The following MAP4K4 variants were observed in gnomAD, a reference collection of about 807,000 sequenced individuals.
MAP4K4 encodes mitogen-activated protein kinase kinase kinase kinase 4.
Under a neutral mutation model 189.6 loss-of-function variants are expected in MAP4K4, and 38 were observed. The ratio of observed to expected loss-of-function variants is 0.20; its 90% CI spans 0.15 to 0.26. The LOEUF (loss-of-function observed/expected upper bound fraction) is 0.26, where lower values mean the gene tolerates loss of function less well. Among genes scored for constraint, MAP4K4 ranks in the 10% least tolerant of loss-of-function variants. The pLI is 1.00. For missense variants in MAP4K4, 1,054 were observed against 1,726.9 expected, an observed-to-expected ratio of 0.61 and a Z score of 6.91; for synonymous variants, 610 against 624.3, an observed-to-expected ratio of 0.98 and a Z score of 0.34.
Position 101,867,431 on chromosome 2 carries a change from T to C in MAP4K4, c.2454+122T>C, listed in dbSNP as rs2097848891. The C allele has an allele frequency of 5.8e-6, 4 of 685,794 alleles. No individual in the cohort carries two copies. The East Asian group carries it at 8.2e-5, about 14-fold the overall frequency. 42.5% of individuals were successfully genotyped at this position (685,794 alleles called of 1,614,324 possible). A position where few individuals can be genotyped will look rare whatever the true frequency, so the allele number is the denominator to read the frequency against. Reference sequence around the variant, plus strand: ...AGGGCCCCTCACAGATTTGAGGAATTATAAGGAATGACCTAAACCCCAGAC... The same window carrying C: ...AGGGCCCCTCACAGATTTGAGGAATCATAAGGAATGACCTAAACCCCAGAC... On this transcript the variant is annotated intron_variant, in intron 20 of 32. Coordinates refer to ENST00000324219, the Ensembl canonical transcript of MAP4K4.
chr2:101,738,994 C>T (rs899469811), intron 2 of MAP4K4, among the ~76,000 whole-genome samples: 1 of 151,988 alleles, frequency 6.6e-6, no homozygotes, highest in African/African-American at 2.4e-5. Context: ...TACTGCTGGC[C>T]GTCATTATTC....
intron 9 of MAP4K4, among the ~76,000 whole-genome samples, chr2:101,839,503 A>G (rs889220778): frequency 2.6e-5 from 4 of 151,740 alleles, no homozygotes; most frequent in Non-Finnish European, 5.9e-5. Flanking sequence ...TGCTGCCACC[A>G]CTCCTGTTAA....
intron 12 of MAP4K4, among the ~76,000 whole-genome samples, chr2:101,844,657 A>G (rs2097033530): frequency 6.6e-6 from 1 of 152,106 alleles, no homozygotes; most frequent in Non-Finnish European, 1.5e-5. Context: ...CTTGCTCAGG[A>G]TTGACCTGAT....
intron 2 of MAP4K4, among the ~76,000 whole-genome samples, chr2:101,772,435 G>T (rs953985605): frequency 3.3e-5 from 5 of 152,220 alleles, no homozygotes; most frequent in African/African-American, 4.8e-5. Flanking sequence ...CCTGCTGATT[G>T]AAAAGAGGCA....
chr2:101,729,101 A>AGAGTGTGTGTGT lies in MAP4K4; in HGVS notation c.123+30564_123+30565insAGTGTGTGTGTG, dbSNP rs149283961. On this transcript the variant is annotated intron_variant, in intron 2 of 32. Transcript: ENST00000324219. Reference sequence around the variant, plus strand: ...AGGAGAGAGAGAGAGAGAGAGAGAGAGTGTGTGTGTGTGTGTGTGTGTGTG... The same window carrying AGAGTGTGTGTGT: ...AGGAGAGAGAGAGAGAGAGAGAGAGAGAGTGTGTGTGTGTGTGTGTGTGTGTGTGTGTGTGTG... 2.5e-3 allele frequency among the ~76,000 whole-genome samples: 324 copies of AGAGTGTGTGTGT among 130,588 alleles called. 1 individual carries two copies. The highest frequency in any genetic ancestry group is 6.5e-3 in the Admixed American group (85 of 12,988). The allele number at this position is 130,588 out of a possible 152,430, so 85.7% of individuals were successfully genotyped here. A position where few individuals can be genotyped will look rare whatever the true frequency, so the allele number is the denominator to read the frequency against.
At chr2:101,771,738 C>CA (rs2081554938) in intron 2 of MAP4K4, among the ~76,000 whole-genome samples, 1 of 152,212 alleles carries the variant, frequency 6.6e-6, no homozygotes, top group Non-Finnish European at 1.5e-5. Flanking sequence ...GCTGTTCCCT[C>CA]ATTTACATGA....
chr2:101,735,899 A>C (rs62155725), intron 2 of MAP4K4, among the ~76,000 whole-genome samples: 16,965 of 152,208 alleles, frequency 0.11, 1,228 homozygotes, highest in South Asian at 0.19. Flanking sequence ...GGTTGCTGAC[A>C]GATACTCTCA....
At chr2:101,871,575 C>G (rs1375203363) in exon 24 of MAP4K4, 1 of 1,536,274 alleles carries the variant, frequency 6.5e-7, no homozygotes, top group Non-Finnish European at 8.7e-7. Flanking sequence ...AGATCTCTTA[C>G]AGCAAAGCCA....
At position 101,873,330 on chromosome 2, in the gene MAP4K4, A is replaced by T. The variant is rs1047511250; in HGVS notation, c.2953-317A>T. 5.4e-4 allele frequency among the ~76,000 whole-genome samples: 83 copies of T among 152,294 alleles called. 1 individual carries two copies. The highest frequency in any genetic ancestry group is 2.0e-3 in the African/African-American group (82 of 41,528). On this transcript the variant is annotated intron_variant, in intron 24 of 32. Transcript: ENST00000324219. ...TCAGACCTCCTTTAGGAGTTTCATT[A>T]TAAGTATTTACTTAATTTTTTTTTA...
chr2:101,755,885 T>C lies in MAP4K4; in HGVS notation c.124-34835T>C, dbSNP rs140639732. 4.6e-5 allele frequency among the ~76,000 whole-genome samples: 7 copies of C among 151,980 alleles called. No homozygotes were observed. The East Asian group carries it at 1.3e-3, about 29-fold the overall frequency. On this transcript the variant is annotated intron_variant, in intron 2 of 32. Coordinates refer to ENST00000324219, the Ensembl canonical transcript of MAP4K4. ...TGTCTATAGTAGCTGTTACTGTGTT[T>C]TGATGCATGCGGGGAAACTTTATTT...
intron 2 of MAP4K4, among the ~76,000 whole-genome samples, chr2:101,711,102 A>G (rs1384551424): frequency 6.6e-6 from 1 of 152,208 alleles, no homozygotes; most frequent in Admixed American, 6.5e-5. Context: ...TTTGGTAAAC[A>G]GCTGGCCTGA....
chr2:101,706,625 T>C (rs1413255212), intron 2 of MAP4K4, among the ~76,000 whole-genome samples: 1 of 152,236 alleles, frequency 6.6e-6, no homozygotes, highest in African/African-American at 2.4e-5. Flanking sequence ...AGATAATTTA[T>C]TGTTGCAAGA....
chr2:101,863,378 C>A (rs561482619), intron 16 of MAP4K4, among the ~76,000 whole-genome samples: 29 of 152,272 alleles, frequency 1.9e-4, no homozygotes, highest in African/African-American at 6.7e-4. Context: ...TGTGACACTG[C>A]AGGTAATGTG....
At chr2:101,702,529 A>G (rs1234409178) in intron 2 of MAP4K4, among the ~76,000 whole-genome samples, 3 of 152,172 alleles carry the variant, frequency 2.0e-5, no homozygotes, top group Non-Finnish European at 4.4e-5. Context: ...AGATTGTGCC[A>G]TTGCACTCCA....
At chr2:101,886,928 G>A (rs1453169259) in intron 29 of MAP4K4, among the ~76,000 whole-genome samples, 160 bp from the exon 30 acceptor site, 1 of 151,934 alleles carries the variant, frequency 6.6e-6, no homozygotes, top group Non-Finnish European at 1.5e-5. Context: ...GGGAGGCTGA[G>A]GCAGGAGAAT....
At chr2:101,888,674 A>G in intron 31 of MAP4K4, 122 bp from the exon 32 acceptor site, 1 of 698,482 alleles carries the variant, frequency 1.4e-6, no homozygotes, top group Non-Finnish European at 2.1e-6. Flanking sequence ...AATGCTAGGC[A>G]TTTAAATTTT....
At chr2:101,807,554 T>C (rs985119063) in intron 3 of MAP4K4, among the ~76,000 whole-genome samples, 1 of 152,234 alleles carries the variant, frequency 6.6e-6, no homozygotes, top group Admixed American at 6.5e-5. Flanking sequence ...AAGATGCTTT[T>C]CTGTATTAGT....
intron 3 of MAP4K4, among the ~76,000 whole-genome samples, chr2:101,803,688 C>G (rs1337056432): frequency 6.6e-6 from 1 of 152,136 alleles, no homozygotes; most frequent in Non-Finnish European, 1.5e-5. Flanking sequence ...CTGTCAACGT[C>G]TTGTGAAAAT....
At position 101,882,700 on chromosome 2, in the gene MAP4K4, C is replaced by T. The variant is rs184000234; in HGVS notation, c.3520+15C>T. ...TTATAAAGTTGGTAAGTTCTAGAAG[C>T]GTCATATTTTGTTTTTCCAGAGTTT... On this transcript the variant is annotated intron_variant, in intron 28 of 32. Transcript: ENST00000324219. 2.8e-5 allele frequency: 43 copies of T among 1,518,710 alleles called. No individual in the cohort carries two copies. The Admixed American group carries it at 5.4e-4, about 19-fold the overall frequency. 94.1% of individuals were successfully genotyped at this position (1,518,710 alleles called of 1,614,324 possible). A position where few individuals can be genotyped will look rare whatever the true frequency, so the allele number is the denominator to read the frequency against.
Sources: allele counts gnomAD v4.1 joint callset (sites outside exome capture counted in the v4.1 genomes callset), GRCh38; gene constraint gnomAD v4.1.1; transcripts MANE v1.5; gene names NCBI Gene and HGNC (gene_info 2026-07-23, HGNC 2026-07-21).